MMAB: variants seen among roughly 807,000 people sequenced by gnomAD.
The protein encoded by MMAB is corrinoid adenosyltransferase MMAB.
A neutral mutation model predicts 30.6 loss-of-function variants in MMAB; 17 were observed. The ratio of observed to expected loss-of-function variants is 0.56; its 90% CI spans 0.38 to 0.83. The LOEUF (loss-of-function observed/expected upper bound fraction) is 0.83, where lower values mean the gene tolerates loss of function less well. MMAB is among the 40% of genes least tolerant of loss of function. MMAB has a pLI of 0.00. For synonymous variants in MMAB, 134 were observed against 138.6 expected, an observed-to-expected ratio of 0.97 and a Z score of 0.23; for missense variants, 311 against 331.6, an observed-to-expected ratio of 0.94 and a Z score of 0.48.
rs904240167 is a variant in MMAB, at chr12:109,556,020, A to T, written c.*1008T>A. ...CTGCCCTTCCAAAGTCATTTCCTGC[A>T]ATTAGCAGCCTGCAGTCTTTAGGTT... On this transcript the variant is annotated 3_prime_UTR_variant, in exon 9 of 9. Transcript: ENST00000545712. The T allele has an allele frequency of 4.4e-6, 2 of 453,926 alleles. No homozygotes were observed. The highest frequency in any genetic ancestry group is 8.8e-6 in the Non-Finnish European group (2 of 226,766). 28.1% of individuals were successfully genotyped at this position (453,926 alleles called of 1,614,324 possible).
chr12:109,567,052 T>C (rs1442631958), intron 3 of MMAB: 1 of 455,010 alleles, frequency 2.2e-6, no homozygotes, highest in Non-Finnish European at 4.4e-6. Flanking sequence ...CAGGAACAGG[T>C]AAGTGTTAAG....
chr12:109,565,145 G>T lies in MMAB; in HGVS notation c.322C>A (p.His108Asn). The T allele has an allele frequency of 6.2e-7, 1 of 1,613,942 alleles. No individual in the cohort carries two copies. The highest frequency in any genetic ancestry group is 1.1e-5 in the South Asian group (1 of 91,070). Residue 108 changes from histidine to asparagine, a missense_variant, in exon 4 of 9, where the codon CAT (histidine) becomes AAT (asparagine). Transcript: ENST00000545712. ...FALELVTEKG[H>N]TFAEELQKIQ... is the part of the protein sequence containing the mutation. ...TTCTGAAGCTCTTCGGCAAATGTAT[G>T]GCCCTTTTCTGTGACTAATTCCAGA...
chr12:109,560,292 A>G (rs7953014), intron 7 of MMAB, among the ~76,000 whole-genome samples: 86,193 of 151,970 alleles, frequency 0.57, 25,470 homozygotes, highest in African/African-American at 0.72. Flanking sequence ...GGGGACCGTG[A>G]CCATGGTGTC....
intron 1 of MMAB, among the ~76,000 whole-genome samples, chr12:109,572,477 C>T (rs1253088780): frequency 6.8e-6 from 1 of 146,414 alleles, no homozygotes; most frequent in African/African-American, 2.6e-5. Context: ...GTTTTGAACT[C>T]CTGAGCTCAA....
chr12:109,568,994 G>T, intron 2 of MMAB, 131 bp from the exon 3 acceptor site: 1 of 730,928 alleles, frequency 1.4e-6, no homozygotes, highest in Non-Finnish European at 2.4e-6. Context: ...CATCCAGGCT[G>T]GAGTACAGCG....
At position 109,553,881 on chromosome 12, in the gene MMAB, A is replaced by ACT; in HGVS notation, c.*3145_*3146dup. On this transcript the variant is annotated 3_prime_UTR_variant, in exon 9 of 9. Coordinates refer to ENST00000545712, the MANE Select transcript of MMAB (RefSeq NM_052845.4). Reference sequence around the variant, plus strand: ...AGGCAGCAGCAAGGGTGACATTGCCACTGACGGGGGCTTCCGAACTGGGGA... The same window carrying ACT: ...AGGCAGCAGCAAGGGTGACATTGCCACTCTGACGGGGGCTTCCGAACTGGGGA... 2.2e-6 allele frequency: 1 copy of ACT among 454,136 alleles called. No individual in the cohort carries two copies. The allele number at this position is 454,136 out of a possible 1,614,324, so 28.1% of individuals were successfully genotyped here.
Position 109,558,980 on chromosome 12 carries a change from A to G in MMAB, c.644+116T>C. ...GATGTTCATAAACACTAAGGGAATG[A>G]AGGAGGGGGTGCGGGAATGCTGCCC... On this transcript the variant is annotated intron_variant, in intron 8 of 8. Transcript: ENST00000545712. This position sits in a 1 kb window ranked among gnomAD's most constrained non-coding sequence, Gnocchi z 4.3. 1.3e-6 allele frequency: 1 copy of G among 768,320 alleles called. No homozygotes were observed. The highest frequency in any genetic ancestry group is 2.0e-5 in the Admixed American group (1 of 51,142). The allele number at this position is 768,320 out of a possible 1,614,324, so 47.6% of individuals were successfully genotyped here.
At chr12:109,566,803 G>A (rs549281390) in intron 3 of MMAB, among the ~76,000 whole-genome samples, 1 of 152,302 alleles carries the variant, frequency 6.6e-6, no homozygotes, top group Admixed American at 6.5e-5. Context: ...CCAACCTCCC[G>A]CTCCTCCTCA....
intron 7 of MMAB, among the ~76,000 whole-genome samples, chr12:109,559,437 GCT>G (rs1461630801): frequency 2.0e-5 from 3 of 152,236 alleles, no homozygotes; most frequent in Non-Finnish European, 4.4e-5. Context: ...CAGCCAGCCA[GCT>G]TTTGTACCAC....
Position 109,559,125 on chromosome 12 carries a change from G to T in MMAB, c.615C>A (p.Thr205=). ...TTAAGAACTTGGCCACGTTCGCATCGGTCTCTCCCATCTGGACAAGAGGCA... is the reference window on the plus strand; with the variant it reads ...TTAAGAACTTGGCCACGTTCGCATCTGTCTCTCCCATCTGGACAAGAGGCA... ...RVVPLVQMGE[T]DANVAKFLNR... is the part of the protein sequence containing the mutation. The change falls in exon 8 of 9, where the codon ACC becomes ACA. Residue 205 remains threonine, a synonymous_variant. Coordinates refer to ENST00000545712, the MANE Select transcript of MMAB (RefSeq NM_052845.4). The T allele has an allele frequency of 6.2e-7, 1 of 1,613,736 alleles. No homozygotes were observed. Among genetic ancestry groups the T allele is most frequent in the South Asian group, 1.1e-5 (1 of 91,064 alleles).
chr12:109,561,674 C>A lies in MMAB; in HGVS notation c.421+106G>T, dbSNP rs1592998560. 2.4e-6 allele frequency: 3 copies of A among 1,255,944 alleles called. No homozygotes were observed. The African/African-American group carries it at 4.5e-5, about 19-fold the overall frequency. 77.8% of individuals were successfully genotyped at this position (1,255,944 alleles called of 1,614,324 possible). A position where few individuals can be genotyped will look rare whatever the true frequency, so the allele number is the denominator to read the frequency against. On this transcript the variant is annotated intron_variant, in intron 5 of 8. Transcript: ENST00000545712. The surrounding 1 kb of genome is among the most constrained non-coding windows in gnomAD (Gnocchi z 5.3). The stretch of plus-strand genomic sequence containing the variant: ...TCCCAGGAGCTACGAGCAAGGCTAA[C>A]TGACCCACCCGTGGGTCCCTGGGGG...
At chr12:109,564,101 C>A (rs1345436103) in intron 4 of MMAB, among the ~76,000 whole-genome samples, 2 of 152,244 alleles carry the variant, frequency 1.3e-5, no homozygotes, top group Non-Finnish European at 2.9e-5. Flanking sequence ...TTCACACCGG[C>A]TTTCTCAGCC....
At position 109,569,660 on chromosome 12, in the gene MMAB, T is replaced by G. The variant is rs1884568930; in HGVS notation, c.197-797A>C. Among the ~76,000 whole-genome samples, 1 of 152,204 alleles carries G rather than the reference T, an allele frequency of 6.6e-6. No homozygotes were observed. The highest frequency in any genetic ancestry group is 6.5e-5 in the Admixed American group (1 of 15,284). On this transcript the variant is annotated intron_variant, in intron 2 of 8. Transcript: ENST00000545712. This position sits in a 1 kb window ranked among gnomAD's most constrained non-coding sequence, Gnocchi z 4.1. The stretch of plus-strand genomic sequence containing the variant: ...CTGCCCCTGACAGTTTGGAGCTGGC[T>G]TTCGCTATCGGGCAGGCTTTGGGGT...
At chr12:109,565,850 A>G (rs1884403234) in intron 3 of MMAB, among the ~76,000 whole-genome samples, 2 of 152,098 alleles carry the variant, frequency 1.3e-5, no homozygotes, top group East Asian at 1.9e-4. Context: ...TAAGGCAGAG[A>G]AAGCAAACTG....
Position 109,561,792 on chromosome 12 carries a change from C to T in MMAB, c.409G>A (p.Glu137Lys), listed in dbSNP as rs775783529. The change falls in exon 5 of 9, where the codon GAG (glutamate) becomes AAG (lysine). Residue 137 changes from glutamate to lysine, a missense_variant. By Grantham distance (56) the Glu-to-Lys change is moderately conservative (BLOSUM62 1). Transcript: ENST00000545712. This position sits in a 1 kb window ranked among gnomAD's most constrained non-coding sequence, Gnocchi z 5.3. Reference protein sequence around the residue: ...ALATPCSSAREAHLKYTTFKA... With the variant: ...ALATPCSSARKAHLKYTTFKA... ...GTTTGAGAATTACTTAAGTGAGCCT[C>T]CCGGGCCGAGGAGCATGGTGTCGCC... The T allele has an allele frequency of 6.2e-7, 1 of 1,608,788 alleles. No individual in the cohort carries two copies. The highest frequency in any genetic ancestry group is 1.1e-5 in the South Asian group (1 of 90,096).
chr12:109,556,474 C>T lies in MMAB; in HGVS notation c.*554G>A, dbSNP rs562420933. On this transcript the variant is annotated 3_prime_UTR_variant, in exon 9 of 9. Coordinates refer to ENST00000545712, the MANE Select transcript of MMAB (RefSeq NM_052845.4). Reference sequence around the variant, plus strand: ...CAGCTATCCTTCCCCCACACTTTGGCGGTGATGGGTGGCTCAGAGGTGACT... The same window carrying T: ...CAGCTATCCTTCCCCCACACTTTGGTGGTGATGGGTGGCTCAGAGGTGACT... 1.9e-4 allele frequency: 86 copies of T among 454,084 alleles called. No individual in the cohort carries two copies. Among genetic ancestry groups the T allele is most frequent in the Admixed American group, 7.3e-4 (31 of 42,572 alleles). The allele number at this position is 454,084 out of a possible 1,614,324, so 28.1% of individuals were successfully genotyped here. A position where few individuals can be genotyped will look rare whatever the true frequency, so the allele number is the denominator to read the frequency against.
chr12:109,568,931 T>C, intron 2 of MMAB, 68 bp from the exon 3 acceptor site: 1 of 1,161,790 alleles, frequency 8.6e-7, no homozygotes, highest in Admixed American at 1.7e-5. Context: ...TTTTTTTTTT[T>C]TAAACTTTCA....
In MMAB at chr12:109,558,656, G is replaced by A. The variant is rs540452142; in HGVS notation, c.644+440C>T. 7.9e-5 allele frequency among the ~76,000 whole-genome samples: 12 copies of A among 152,124 alleles called. No homozygotes were observed. The highest frequency in any genetic ancestry group is 7.2e-4 in the Admixed American group (11 of 15,292). ...GCCTGCATGGGGTCCCCTGAGCGCA[G>A]CTTGGCCCGGCTCTCTTGTTGGTTC... On this transcript the variant is annotated intron_variant, in intron 8 of 8. Transcript: ENST00000545712. This position sits in a 1 kb window ranked among gnomAD's most constrained non-coding sequence, Gnocchi z 4.3.
At position 109,557,085 on chromosome 12, in the gene MMAB, C is replaced by A. The variant is rs1436258736; in HGVS notation, c.696G>T (p.Gly232=). ...TLARYAAMKE[G]NQEKIYMKND... ...TTTTCATGTATATTTTCTCTTGATTCCCCTCCTTCATGGCTGCATATCTGG... is the reference window on the plus strand; with the variant it reads ...TTTTCATGTATATTTTCTCTTGATTACCCTCCTTCATGGCTGCATATCTGG... The change falls in exon 9 of 9, where the codon GGG becomes GGT. Residue 232 remains glycine, a synonymous_variant. Transcript: ENST00000545712. The A allele has an allele frequency of 1.2e-6, 2 of 1,613,940 alleles. No homozygotes were observed. Among genetic ancestry groups the A allele is most frequent in the South Asian group, 2.2e-5 (2 of 91,076 alleles).
Sources: gnomAD v4.1 joint callset for allele counts (sites outside exome capture counted in the v4.1 genomes callset) on GRCh38, gnomAD v4.1.1 for gene constraint, Gnocchi (gnomAD v3.1) non-coding constraint, MANE v1.5 for transcripts, NCBI Gene and HGNC (gene_info 2026-07-23, HGNC 2026-07-21) for gene names.